The following MPDZ variants were observed in gnomAD, a reference collection of about 807,000 sequenced individuals.
The protein encoded by MPDZ is multiple PDZ domain protein.
A neutral mutation model predicts 239.1 loss-of-function variants in MPDZ; 234 were observed. The ratio of observed to expected loss-of-function variants is 0.98; its 90% CI spans 0.88 to 1.09. The LOEUF (loss-of-function observed/expected upper bound fraction) is 1.09. Ranked by LOEUF, MPDZ falls within the 50% of genes least tolerant of loss-of-function variation. The pLI is 0.00. For missense variants in MPDZ, 3,175 were observed against 2,510.0 expected, an observed-to-expected ratio of 1.26 and a Z score of -5.66; for synonymous variants, 1,048 against 881.3, an observed-to-expected ratio of 1.19 and a Z score of -3.35.
At chr9:13,107,223 G>A (rs992626486) in intron 46 of MPDZ, 112 bp from the exon 47 acceptor site, 2 of 1,077,034 alleles carry the variant, frequency 1.9e-6, no homozygotes, top group Non-Finnish European at 2.6e-6. Context: ...CACACACACT[G>A]CTCCCAGTGC....
In MPDZ at chr9:13,141,140, T is replaced by C. The variant is rs568657203; in HGVS notation, c.3841-991A>G. Among the ~76,000 whole-genome samples, 61 of 152,194 alleles carry C rather than the reference T, an allele frequency of 4.0e-4. 1 individual carries two copies. Among genetic ancestry groups the C allele is most frequent in the Admixed American group, 3.7e-3 (57 of 15,266 alleles). On this transcript the variant is annotated intron_variant, in intron 27 of 46. Transcript: ENST00000319217. ...TACTTGGCATCATCAAGTTCTTATA[T>C]TGCAAAAATAATTGCAGTTTTTGCC...
chr9:13,139,778 G>A (rs1947363693), intron 28 of MPDZ: 1 of 585,728 alleles, frequency 1.7e-6, no homozygotes, highest in Non-Finnish European at 3.1e-6. Context: ...AGCTTTAACA[G>A]CACTTTTAAA....
chr9:13,248,805 T>C (rs1411745495), intron 2 of MPDZ, among the ~76,000 whole-genome samples: 1 of 146,368 alleles, frequency 6.8e-6, no homozygotes, highest in East Asian at 2.0e-4. Flanking sequence ...TCATCTCTAC[T>C]AAAAAAAAAT....
At chr9:13,236,249 G>GTATATATATATATATA (rs1172287952) in intron 3 of MPDZ, among the ~76,000 whole-genome samples, 28 of 35,842 alleles carry the variant, frequency 7.8e-4, no homozygotes, top group African/African-American at 3.0e-3. Flanking sequence ...GTGTGTGTGT[G>GTATATATATATATATA]TATATATATA....
At chr9:13,147,692 A>C (rs1228022089) in intron 25 of MPDZ, 34 bp from the exon 26 acceptor site, 3 of 1,527,738 alleles carry the variant, frequency 2.0e-6, no homozygotes, top group African/African-American at 1.4e-5. Flanking sequence ...ACATTTCAAG[A>C]ATCTATAGAA....
intron 32 of MPDZ, among the ~76,000 whole-genome samples, chr9:13,130,304 G>C (rs1046812923): frequency 6.6e-6 from 1 of 152,142 alleles, no homozygotes; most frequent in Non-Finnish European, 1.5e-5. Flanking sequence ...TTTCTAAGGA[G>C]TCAAAACAGA....
intron 1 of MPDZ, among the ~76,000 whole-genome samples, chr9:13,274,127 C>A (rs1200321022): frequency 6.6e-6 from 1 of 152,064 alleles, no homozygotes; most frequent in Non-Finnish European, 1.5e-5. Context: ...GGCAAGCTTT[C>A]CGTCTTCTTT....
chr9:13,151,651 G>A (rs1051055038), intron 24 of MPDZ, among the ~76,000 whole-genome samples: 2 of 152,008 alleles, frequency 1.3e-5, no homozygotes, highest in African/African-American at 4.8e-5. Flanking sequence ...CAAGAAAGGG[G>A]AGTTATTGCT....
chr9:13,111,084 T>C (rs1942383079), intron 43 of MPDZ, among the ~76,000 whole-genome samples: 1 of 152,370 alleles, frequency 6.6e-6, no homozygotes, highest in Admixed American at 6.5e-5. Context: ...TGGACATTAC[T>C]ATTATAATCA....
At chr9:13,157,198 C>T (rs1487967564) in intron 24 of MPDZ, among the ~76,000 whole-genome samples, 1 of 152,090 alleles carries the variant, frequency 6.6e-6, no homozygotes, top group East Asian at 1.9e-4. Context: ...GTTTACTGAA[C>T]ACAAAGCATC....
intron 22 of MPDZ, among the ~76,000 whole-genome samples, chr9:13,163,608 A>C (rs1374768356): frequency 6.6e-6 from 1 of 152,156 alleles, no homozygotes; most frequent in Admixed American, 6.5e-5. Flanking sequence ...TTTTAAAGTA[A>C]ACTGTTTCAA....
At position 13,217,302 on chromosome 9, in the gene MPDZ, A is replaced by C. The variant is rs777511065; in HGVS notation, c.1087-8T>G. On this transcript the variant is annotated splice_region_variant and splice_polypyrimidine_tract_variant and intron_variant, in intron 8 of 46. Transcript: ENST00000319217. ...CTGAGTAGAAGCATCAACCTAAAAT[A>C]AAATCAATAAATATACAGTGAAATA... 1 of 1,520,670 alleles carries C rather than the reference A, an allele frequency of 6.6e-7. No individual in the cohort carries two copies. The highest frequency in any genetic ancestry group is 9.0e-7 in the Non-Finnish European group (1 of 1,113,290). 94.2% of individuals were successfully genotyped at this position (1,520,670 alleles called of 1,614,324 possible). A position where few individuals can be genotyped will look rare whatever the true frequency, so the allele number is the denominator to read the frequency against.
chr9:13,239,048 C>A (rs1014923139), intron 3 of MPDZ, among the ~76,000 whole-genome samples: 1 of 152,228 alleles, frequency 6.6e-6, no homozygotes. Context: ...TTTATGACTA[C>A]AAACTGATCA....
chr9:13,265,974 T>C (rs1971710373), intron 1 of MPDZ, among the ~76,000 whole-genome samples: 1 of 152,184 alleles, frequency 6.6e-6, no homozygotes, highest in Admixed American at 6.5e-5. Context: ...TTCTAGGACT[T>C]TCCCAACTCT....
rs755632555 is a variant in MPDZ, at chr9:13,126,750, G to A, written c.4487C>T (p.Ala1496Val). 1 of 1,613,780 alleles carries A rather than the reference G, an allele frequency of 6.2e-7. No individual in the cohort carries two copies. The highest frequency in any genetic ancestry group is 8.5e-7 in the Non-Finnish European group (1 of 1,179,790). ...LPKDQGGLGI[A>V]ISEEDTLSGV... ...ACTGAGTGTATCTTCTTCGCTGATA[G>A]CAATACCCAAACCCCCCTGATCCTA... The change falls in exon 33 of 47, where the codon GCT (alanine) becomes GTT (valine). Residue 1496 changes from alanine to valine, a missense_variant. Physicochemically the swap from Ala to Val is moderately conservative, Grantham distance 64. Coordinates refer to ENST00000319217, the MANE Select transcript of MPDZ (RefSeq NM_001378778.1).
At chr9:13,141,323 C>T (rs1057063448) in intron 27 of MPDZ, among the ~76,000 whole-genome samples, 2 of 152,002 alleles carry the variant, frequency 1.3e-5, no homozygotes, top group African/African-American at 4.8e-5. Context: ...GTTTTTGTTT[C>T]GAATCAAACA....
intron 6 of MPDZ, 78 bp from the exon 7 acceptor site, chr9:13,221,578 G>A (rs1358259310): frequency 9.5e-6 from 14 of 1,470,982 alleles, no homozygotes; most frequent in African/African-American, 4.3e-5. Context: ...AAATTTTTGC[G>A]ATTATTTTGT....
chr9:13,193,168 T>A lies in MPDZ; in HGVS notation c.1802A>T (p.Glu601Val), dbSNP rs1955179197. The A allele has an allele frequency of 6.4e-7, 1 of 1,573,672 alleles. No homozygotes were observed. The highest frequency in any genetic ancestry group is 8.6e-7 in the Non-Finnish European group (1 of 1,156,432). Residue 601 changes from glutamate to valine, a missense_variant and splice_region_variant, in exon 14 of 47, where the codon GAA becomes GTA. Physicochemically the swap from Glu to Val is moderately radical, Grantham distance 121 (BLOSUM62 -2). Transcript: ENST00000319217. ...GKLFSGDELL[E>V]VNGITLLGEN... ...AGAAGGAACAGCATAGCTCCTTACT[T>A]CCAATAGCTCGTCTCCACTGAAGAG... is the stretch of plus-strand genomic sequence containing the variant.
intron 3 of MPDZ, 68 bp downstream of exon 3, chr9:13,247,566 GA>G: frequency 6.6e-7 from 1 of 1,520,552 alleles, no homozygotes; most frequent in Non-Finnish European, 8.9e-7. Flanking sequence ...CAGCCTTTCA[GA>G]AAAACACAAG....
Sources: allele counts gnomAD v4.1 joint callset (sites outside exome capture counted in the v4.1 genomes callset), GRCh38; gene constraint gnomAD v4.1.1; transcripts MANE v1.5; gene names NCBI Gene and HGNC (gene_info 2026-07-23, HGNC 2026-07-21).